Variants in ADAMTS13 observed in about 807,000 individuals in gnomAD.
The protein encoded by ADAMTS13 is A disintegrin and metalloproteinase with thrombospondin motifs 13.
ADAMTS13 carries 110 observed loss-of-function variants against 155.1 expected under a neutral mutation model. The ratio of observed to expected loss-of-function variants is 0.71; its 90% confidence interval spans 0.61 to 0.83. ADAMTS13 has a LOEUF of 0.83. Among genes scored for constraint, ADAMTS13 ranks in the 40% least tolerant of loss-of-function variants. The probability of loss-of-function intolerance (pLI) is 0.00; values close to 1 mark genes in which losing one functional copy is unlikely to be tolerated. For missense variants in ADAMTS13, 1,707 were observed against 1,891.7 expected (o/e 0.90, Z 1.81); for synonymous variants, 758 against 756.4 (o/e 1.00, Z -0.03).
In ADAMTS13 at chr9:133,438,207, C is replaced by T. The variant is rs782736845; in HGVS notation, c.1585-39C>T. On this transcript the variant is annotated intron_variant, in intron 13 of 28. Coordinates refer to ENST00000355699, the MANE Select transcript of ADAMTS13 (RefSeq NM_139027.6). ...CTGCAGAGTCATTGAGGCCAGCACC[C>T]TCCAGTGACACGGGCCCTCTGTCCT... The T allele has an allele frequency of 3.7e-6, 6 of 1,614,006 alleles. No individual in the cohort carries two copies. In the Admixed American group the frequency reaches 5.0e-5, roughly 13 times the overall value.
intron 7 of ADAMTS13, 140 bp from the exon 8 acceptor site, chr9:133,429,799 G>C (rs1840600869): frequency 8.6e-7 from 1 of 1,167,320 alleles, no homozygotes. Context: ...CTGGTGGGGG[G>C]CGCGGGCCGA....
At chr9:133,427,715 T>C (rs1554785615) in intron 6 of ADAMTS13, among the ~76,000 whole-genome samples, 1 of 152,198 alleles carries the variant, frequency 6.6e-6, no homozygotes, top group Non-Finnish European at 1.5e-5. Flanking sequence ...CCTGTGACTG[T>C]ATACAGCACA....
chr9:133,418,936 G>A (rs141120967), upstream of ADAMTS13, among the ~76,000 whole-genome samples: 67 of 152,260 alleles, frequency 4.4e-4, no homozygotes, highest in African/African-American at 1.6e-3. Context: ...TGCCGCCTGG[G>A]TTCAAGCGAT....
chr9:133,426,480 C>A, intron 6 of ADAMTS13, 135 bp downstream of exon 6: 1 of 1,234,230 alleles, frequency 8.1e-7, no homozygotes, highest in South Asian at 1.3e-5. Flanking sequence ...CCCCGACAGA[C>A]TCAGGTGTGA....
At chr9:133,450,784 G>A (rs36222277) in intron 23 of ADAMTS13, among the ~76,000 whole-genome samples, 1 of 152,130 alleles carries the variant, frequency 6.6e-6, no homozygotes, top group Non-Finnish European at 1.5e-5. Context: ...AAGACGGGGT[G>A]GGGGGCTCAG....
At chr9:133,447,045 G>A (rs1554792854) in intron 21 of ADAMTS13, among the ~76,000 whole-genome samples, 1 of 152,084 alleles carries the variant, frequency 6.6e-6, no homozygotes, top group African/African-American at 2.4e-5. Flanking sequence ...AGTAGAGATG[G>A]GGTTTCACCA....
upstream of ADAMTS13, among the ~76,000 whole-genome samples, chr9:133,418,604 G>A (rs1320312798): frequency 6.6e-6 from 1 of 152,162 alleles, no homozygotes; most frequent in Non-Finnish European, 1.5e-5. Flanking sequence ...CCCTTTTAAG[G>A]GCTTACAACC....
intron 22 of ADAMTS13, 124 bp downstream of exon 22, chr9:133,448,852 C>T: frequency 6.9e-7 from 1 of 1,447,714 alleles, no homozygotes. Context: ...CTGTGTGAGG[C>T]TGGACCATGG....
In ADAMTS13 at chr9:133,445,731, C is replaced by A; in HGVS notation, c.2643C>A (p.Pro881=). The change falls in exon 21 of 29, where the codon CCC becomes CCA. Residue 881 remains proline (P), a synonymous_variant. Transcript: ENST00000355699. This position sits in a 1 kb window ranked among gnomAD's most constrained non-coding sequence, Gnocchi z 5.0. ...CCACCTCTGCAGGGGAGAAGGCTCC[C>A]TCCCCATGGGGCAGCATCAGGACGG... ...LDATSAGEKA[P]SPWGSIRTGA... 1 of 1,612,666 alleles carries A rather than the reference C, an allele frequency of 6.2e-7. No homozygotes were observed. Among genetic ancestry groups the A allele is most frequent in the Non-Finnish European group, 8.5e-7 (1 of 1,179,542 alleles).
chr9:133,457,579 C>T (rs971374409), intron 27 of ADAMTS13, among the ~76,000 whole-genome samples: 31 of 152,358 alleles, frequency 2.0e-4, no homozygotes, highest in Admixed American at 1.2e-3. Flanking sequence ...CAGCAGTGGC[C>T]GCCATGGGTG....
chr9:133,430,586 C>G (rs995349377), intron 8 of ADAMTS13, among the ~76,000 whole-genome samples: 8 of 152,276 alleles, frequency 5.3e-5, no homozygotes, highest in Admixed American at 3.9e-4. Context: ...GGCACTTTTG[C>G]CTTGATGGGC....
At chr9:133,428,314 C>T (rs373049536) in intron 6 of ADAMTS13, among the ~76,000 whole-genome samples, 10 of 152,270 alleles carry the variant, frequency 6.6e-5, no homozygotes, top group African/African-American at 2.4e-4. Flanking sequence ...CAGTCCCCAC[C>T]TCCCCACAGA....
At position 133,444,925 on chromosome 9, in the gene ADAMTS13, A is replaced by G; in HGVS notation, c.2483A>G (p.Asn828Ser). 6.2e-7 allele frequency: 1 copy of G among 1,613,434 alleles called. No individual in the cohort carries two copies. The highest frequency in any genetic ancestry group is 8.5e-7 in the Non-Finnish European group (1 of 1,180,018). Reference sequence around the variant, plus strand: ...GGTGGAGCAGGCCTGGCCTTGGAGAACGAGACCTGTGTGCCAGGGGCAGAT... The same window carrying G: ...GGTGGAGCAGGCCTGGCCTTGGAGAGCGAGACCTGTGTGCCAGGGGCAGAT... ...SAGGAGLALENETCVPGADGL... is the reference protein window; with the variant it reads ...SAGGAGLALESETCVPGADGL... Residue 828 changes from asparagine (N) to serine (S), a missense_variant, in exon 20 of 29, where the codon AAC (asparagine) becomes AGC (serine). Physicochemically the swap from Asn to Ser is conservative, Grantham distance 46. Transcript: ENST00000355699.
chr9:133,437,975 G>A (rs1588174200), intron 13 of ADAMTS13, 78 bp downstream of exon 13: 17 of 1,604,056 alleles, frequency 1.1e-5, no homozygotes, highest in Non-Finnish European at 1.4e-5. Context: ...AGGTTGGTGG[G>A]TGCTGGCCCT....
rs782820436 is a variant in ADAMTS13, at chr9:133,437,117, G to A, written c.1435+162G>A. Among the ~76,000 whole-genome samples, 4 of 152,158 alleles carry A rather than the reference G, an allele frequency of 2.6e-5. No homozygotes were observed. The South Asian group carries it at 6.2e-4, about 24-fold the overall frequency. ...ATGGATGACATAGTGGCCAGGCCTC[G>A]CTGGTAGATCAGGCACTGACATCCC... On this transcript the variant is annotated intron_variant, in intron 12 of 28. Coordinates refer to ENST00000355699, the MANE Select transcript of ADAMTS13 (RefSeq NM_139027.6).
intron 25 of ADAMTS13, chr9:133,455,808 C>T (rs1246139750): frequency 6.1e-6 from 5 of 821,410 alleles, no homozygotes; most frequent in Non-Finnish European, 9.7e-6. Flanking sequence ...AGGTAGGAAC[C>T]CAGCTTGTGA....
upstream of ADAMTS13, chr9:133,418,171 TTGAC>T (rs1554782201): frequency 5.2e-6 from 2 of 384,768 alleles, no homozygotes; most frequent in Non-Finnish European, 9.4e-6. Flanking sequence ...GACCTCGAGT[TTGAC>T]TGGGGCAAGC....
chr9:133,415,451 G>A (rs587694486), intron 1 of ADAMTS13, among the ~76,000 whole-genome samples: 2 of 151,480 alleles, frequency 1.3e-5, no homozygotes, highest in Admixed American at 6.6e-5. Context: ...TGCTACTGCT[G>A]TGAAGATCTC....
rs782496629 is a variant in ADAMTS13, at chr9:133,425,934, G to T, written c.415-4G>T. 6.8e-6 allele frequency: 11 copies of T among 1,613,320 alleles called. No homozygotes were observed. The highest frequency in any genetic ancestry group is 1.7e-5 in the Admixed American group (1 of 60,026). On this transcript the variant is annotated splice_polypyrimidine_tract_variant and splice_region_variant and intron_variant, in intron 4 of 28. Coordinates refer to ENST00000355699, the MANE Select transcript of ADAMTS13 (RefSeq NM_139027.6). This position sits in a 1 kb window ranked among gnomAD's most constrained non-coding sequence, Gnocchi z 4.6. Reference sequence around the variant, plus strand: ...TAAATGCAGGCTTTGCTGTGGGTCCGCAGGGTGCTCCAAATATCACAGCCA... The same window carrying T: ...TAAATGCAGGCTTTGCTGTGGGTCCTCAGGGTGCTCCAAATATCACAGCCA...
Sources: allele counts gnomAD v4.1 joint callset (sites outside exome capture counted in the v4.1 genomes callset), GRCh38; gene constraint gnomAD v4.1.1; non-coding constraint Gnocchi (gnomAD v3.1); transcripts MANE v1.5; gene names NCBI Gene and HGNC (gene_info 2026-07-23, HGNC 2026-07-21).